Variants in BICRA observed in about 807,000 individuals in gnomAD.
BICRA encodes the protein BRD4-interacting chromatin-remodeling complex-associated protein.
BICRA carries 31 observed loss-of-function variants against 96.9 expected under a neutral mutation model. The ratio of observed to expected loss-of-function variants is 0.32; its 90% confidence interval spans 0.24 to 0.43. BICRA has a LOEUF of 0.43. Ranked by LOEUF, BICRA falls within the 20% of genes least tolerant of loss-of-function variation. The pLI, the probability that BICRA is intolerant of heterozygous loss-of-function variation, is 1.00. For synonymous variants in BICRA, 1,350 were observed against 1,071.8 expected, an observed-to-expected ratio of 1.26 and a Z score of -5.07; for missense variants, 2,283 against 2,190.3, an observed-to-expected ratio of 1.04 and a Z score of -0.84.
At chr19:47,658,911 G>C (rs184876355) in intron 1 of BICRA, among the ~76,000 whole-genome samples, 1 of 152,068 alleles carries the variant, frequency 6.6e-6, no homozygotes, top group African/African-American at 2.4e-5. Context: ...GCCTGATGAC[G>C]TGTGAGTCCC....
intron 5 of BICRA, among the ~76,000 whole-genome samples, chr19:47,676,972 T>G (rs1264611277): frequency 6.6e-6 from 1 of 152,034 alleles, no homozygotes; most frequent in African/African-American, 2.4e-5. Context: ...AGTTAAGAGC[T>G]CAGGGGGTTA....
rs751553560 is a variant in BICRA at position 47,610,617 on chromosome 19, C to CCCA, written c.-108+1450_-108+1451insCAC. ...ATCGTCCCCTTTTGTCACCCCCCCC[C>CCCA]CACACACACACCTACCTACCCACCC... On this transcript the variant is annotated intron_variant, in intron 1 of 14. Coordinates refer to ENST00000594866, the MANE Select transcript of BICRA (RefSeq NM_001394372.1). Among the ~76,000 whole-genome samples the CCCA allele has an allele frequency of 1.7e-3, 243 of 146,484 alleles. 2 individuals carry two copies. The highest frequency in any genetic ancestry group is 4.5e-3 in the East Asian group (22 of 4,864).
chr19:47,695,695 C>T (rs1367369437), intron 10 of BICRA, among the ~76,000 whole-genome samples: 3 of 151,920 alleles, frequency 2.0e-5, no homozygotes, highest in Middle Eastern at 3.2e-3. Flanking sequence ...GACGGTGGGA[C>T]GGAGACGGCA....
chr19:47,681,436 G>A (rs1163909368), intron 6 of BICRA, among the ~76,000 whole-genome samples, 160 bp downstream of exon 6: 4 of 152,194 alleles, frequency 2.6e-5, no homozygotes, highest in South Asian at 4.1e-4. Context: ...GAGGAGGCCC[G>A]AAGGGTGAGG....
intron 10 of BICRA, among the ~76,000 whole-genome samples, chr19:47,696,113 G>GAA (rs1403508823): frequency 1.3e-5 from 2 of 152,142 alleles, no homozygotes; most frequent in Admixed American, 1.3e-4. Flanking sequence ...GCGAGGCAGG[G>GAA]GCACTGGGTG....
chr19:47,691,076 G>C (rs1973234410), intron 7 of BICRA, among the ~76,000 whole-genome samples: 1 of 152,174 alleles, frequency 6.6e-6, no homozygotes, highest in Non-Finnish European at 1.5e-5. Flanking sequence ...AGCTTAGCTA[G>C]GAGGTTCTAG....
At chr19:47,647,700 G>GT (rs1972481027) in intron 1 of BICRA, among the ~76,000 whole-genome samples, 2 of 152,084 alleles carry the variant, frequency 1.3e-5, no homozygotes, top group Admixed American at 1.3e-4. Flanking sequence ...GCCTGCCTCT[G>GT]TTGCTGGTTT....
chr19:47,649,149 C>T (rs1972507178), intron 1 of BICRA, among the ~76,000 whole-genome samples: 1 of 151,826 alleles, frequency 6.6e-6, no homozygotes, highest in Non-Finnish European at 1.5e-5. Context: ...CTGCACCCGG[C>T]CTAATTTTTG....
chr19:47,655,335 G>A (rs920726058), intron 1 of BICRA, among the ~76,000 whole-genome samples: 2 of 151,746 alleles, frequency 1.3e-5, no homozygotes, highest in South Asian at 2.1e-4. Flanking sequence ...AGACCAGCCT[G>A]GCCAACATGG....
intron 1 of BICRA, among the ~76,000 whole-genome samples, chr19:47,617,661 C>A (rs1253726203): frequency 6.6e-6 from 1 of 152,022 alleles, no homozygotes; most frequent in African/African-American, 2.4e-5. Flanking sequence ...ATGCACCTGG[C>A]CTTTTTAACT....
At position 47,679,434 on chromosome 19, in the gene BICRA, G is replaced by A. The variant is rs889219529; in HGVS notation, c.264G>A (p.Gly88=). 6.7e-7 allele frequency: 1 copy of A among 1,493,512 alleles called. No homozygotes were observed. The allele number at this position is 1,493,512 out of a possible 1,614,324, so 92.5% of individuals were successfully genotyped here. A position where few individuals can be genotyped will look rare whatever the true frequency, so the allele number is the denominator to read the frequency against. ...EDDILGSPAT[G]GGGGGSGGAD... ...ACATCCTGGGCTCTCCTGCGACAGG[G>A]GGCGGCGGCGGGGGCAGTGGGGGCG... is the stretch of plus-strand genomic sequence containing the variant. Residue 88 remains glycine, a synonymous_variant, in exon 6 of 15, where the codon GGG becomes GGA. Coordinates refer to ENST00000594866, the MANE Select transcript of BICRA (RefSeq NM_001394372.1).
In BICRA at chr19:47,694,100, C is replaced by T. The variant is rs1973284260; in HGVS notation, c.2284-15C>T. On this transcript the variant is annotated splice_polypyrimidine_tract_variant and intron_variant, in intron 7 of 14. Coordinates refer to ENST00000594866, the MANE Select transcript of BICRA (RefSeq NM_001394372.1). ...TGACCCCCGCCCCTCCCCTCTCCCT[C>T]CCTCCCCTGCCCAGATCCCGGCAGC... 8.7e-6 allele frequency: 12 copies of T among 1,376,306 alleles called. No homozygotes were observed. The highest frequency in any genetic ancestry group is 1.0e-5 in the Non-Finnish European group (11 of 1,051,422). The allele number at this position is 1,376,306 out of a possible 1,614,324, so 85.3% of individuals were successfully genotyped here.
chr19:47,627,049 C>T (rs1000221564), intron 1 of BICRA, among the ~76,000 whole-genome samples: 2 of 152,038 alleles, frequency 1.3e-5, no homozygotes, highest in African/African-American at 2.4e-5. Context: ...CATCAAGCCT[C>T]GCTGCCCCCT....
At chr19:47,622,812 G>A (rs1972084791) in intron 1 of BICRA, among the ~76,000 whole-genome samples, 1 of 151,762 alleles carries the variant, frequency 6.6e-6, no homozygotes, top group Non-Finnish European at 1.5e-5. Context: ...GCCCAAGGTG[G>A]GTGGATCACG....
intron 1 of BICRA, among the ~76,000 whole-genome samples, chr19:47,616,478 A>G (rs1245993245): frequency 6.6e-6 from 1 of 152,126 alleles, no homozygotes; most frequent in Non-Finnish European, 1.5e-5. Flanking sequence ...CTCTACTAAA[A>G]ATACAAAAAA....
At chr19:47,613,401 G>A (rs954649410) in intron 1 of BICRA, among the ~76,000 whole-genome samples, 1 of 152,164 alleles carries the variant, frequency 6.6e-6, no homozygotes, top group Non-Finnish European at 1.5e-5. Context: ...TTTCCAGGCC[G>A]CCTGGGCTTG....
intron 1 of BICRA, among the ~76,000 whole-genome samples, chr19:47,612,107 G>A (rs937962270): frequency 8.5e-5 from 13 of 152,102 alleles, no homozygotes; most frequent in African/African-American, 3.1e-4. Flanking sequence ...CTGACCTCAG[G>A]TAATCTGACT....
intron 1 of BICRA, among the ~76,000 whole-genome samples, chr19:47,660,968 G>A (rs1972694869): frequency 6.6e-6 from 1 of 152,168 alleles, no homozygotes; most frequent in African/African-American, 2.4e-5. Flanking sequence ...CCAGCACTTT[G>A]GGAGGCTGAC....
Position 47,699,358 on chromosome 19 carries a change from A to G in BICRA, c.3548A>G (p.Glu1183Gly). Residue 1183 changes from glutamate to glycine, a missense_variant, in exon 14 of 15, where the codon GAG becomes GGG. By Grantham distance (98) the Glu-to-Gly change is moderately conservative (BLOSUM62 -2). Coordinates refer to ENST00000594866, the MANE Select transcript of BICRA (RefSeq NM_001394372.1). The surrounding 1 kb of genome is among the most constrained non-coding windows in gnomAD (Gnocchi z 5.0). ...ATCGACCGAATGTTCATTCAGGAGG[A>G]GAAGACCACCCTTGCCTTGGATAAA... Reference protein sequence around the residue: ...VMIDRMFIQEEKTTLALDKQL... With the variant: ...VMIDRMFIQEGKTTLALDKQL... 6.4e-7 allele frequency: 1 copy of G among 1,570,992 alleles called. No individual in the cohort carries two copies. The highest frequency in any genetic ancestry group is 8.6e-7 in the Non-Finnish European group (1 of 1,158,306).
Sources: allele counts gnomAD v4.1 joint callset (sites outside exome capture counted in the v4.1 genomes callset), GRCh38; gene constraint gnomAD v4.1.1; non-coding constraint Gnocchi (gnomAD v3.1); transcripts MANE v1.5; gene names NCBI Gene and HGNC (gene_info 2026-07-23, HGNC 2026-07-21).